ERMP1: variants seen among roughly 807,000 people sequenced by gnomAD.
ERMP1 encodes endoplasmic reticulum metallopeptidase 1, also known as Felix-ina.
Under a neutral mutation model 92.0 loss-of-function variants are expected in ERMP1, and 86 were observed. The observed-to-expected ratio is 0.93, with a 90% CI of 0.79 to 1.12. The LOEUF (loss-of-function observed/expected upper bound fraction) is 1.12. Among genes scored for constraint, ERMP1 ranks in the 50% most tolerant of loss-of-function variants. The pLI is 0.00. For synonymous variants in ERMP1, 530 were observed against 412.8 expected, an observed-to-expected ratio of 1.28 and a Z score of -3.44; for missense variants, 1,342 against 1,116.3, an observed-to-expected ratio of 1.20 and a Z score of -2.88.
At chr9:5,855,364 G>T (rs762927844) in intron 6 of ERMP1, among the ~76,000 whole-genome samples, 1 of 152,176 alleles carries the variant, frequency 6.6e-6, no homozygotes, top group Non-Finnish European at 1.5e-5. Context: ...GCACATACCA[G>T]AGAATCTGGG....
At position 5,798,830 on chromosome 9, in the gene ERMP1, T is replaced by C; in HGVS notation, c.2246A>G (p.Tyr749Cys). 11 of 1,613,620 alleles carry C rather than the reference T, an allele frequency of 6.8e-6. No homozygotes were observed. The highest frequency in any genetic ancestry group is 9.3e-6 in the Non-Finnish European group (11 of 1,179,668). ...CCTGATCAGAAAGTGCACTGGAAGA[T>C]ACCAAGGAAAACCACAAAGAGGTGC... ...ENAPLCGFPW[Y>C]LPVHFLIRKN... is the part of the protein sequence containing the mutation. Residue 749 changes from tyrosine to cysteine, a missense_variant, in exon 12 of 15, where the codon TAT (tyrosine) becomes TGT (cysteine). Transcript: ENST00000339450.
chr9:5,791,413 A>G (rs1828192744), intron 13 of ERMP1: 2 of 423,112 alleles, frequency 4.7e-6, no homozygotes, highest in Non-Finnish European at 9.4e-6. Flanking sequence ...TGCATTATGG[A>G]GGGCAATCTG....
chr9:5,810,236 T>A lies in ERMP1; in HGVS notation c.1328-5A>T. 1 of 1,610,526 alleles carries A rather than the reference T, an allele frequency of 6.2e-7. No homozygotes were observed. The highest frequency in any genetic ancestry group is 8.5e-7 in the Non-Finnish European group (1 of 1,177,652). On this transcript the variant is annotated splice_region_variant and splice_polypyrimidine_tract_variant and intron_variant, in intron 7 of 14. Coordinates refer to ENST00000339450, the MANE Select transcript of ERMP1 (RefSeq NM_024896.3). ...AGTCCTTCTTGTAGTTACCAGCTAA[T>A]GAAGAGAAAACAAAAAGTTGAAATC...
At chr9:5,788,528 A>T (rs1828034267) in intron 13 of ERMP1, among the ~76,000 whole-genome samples, 1 of 152,210 alleles carries the variant, frequency 6.6e-6, no homozygotes, top group Non-Finnish European at 1.5e-5. Context: ...GAAAGAGATA[A>T]ATATTATTCA....
Position 5,810,061 on chromosome 9 carries a change from C to G in ERMP1, c.1498G>C (p.Val500Leu). 1.9e-6 allele frequency: 3 copies of G among 1,613,706 alleles called. No individual in the cohort carries two copies. The highest frequency in any genetic ancestry group is 1.1e-5 in the South Asian group (1 of 91,084). Reference sequence around the variant, plus strand: ...GTATGTATAAGTATTATTTTGGCTACAGTTGCAGTTCCATACAGACAAACG... The same window carrying G: ...GTATGTATAAGTATTATTTTGGCTAGAGTTGCAGTTCCATACAGACAAACG... Reference protein sequence around the residue: ...VSVCLYGTATVAKIILIHTLA... With the variant: ...VSVCLYGTATLAKIILIHTLA... The change falls in exon 8 of 15, where the codon GTA becomes CTA. Residue 500 changes from valine to leucine, a missense_variant. Physicochemically the swap from Val to Leu is conservative, Grantham distance 32. Transcript: ENST00000339450.
At position 5,814,300 on chromosome 9, in the gene ERMP1, G is replaced by A. The variant is rs142597632; in HGVS notation, c.875-1265C>T. On this transcript the variant is annotated intron_variant, in intron 4 of 14. Transcript: ENST00000339450. ...CACGAGCAAGAAATAAGCCTTTGCTGTTGTAAACCACCAAGATTTTGGGGT... is the reference window on the plus strand; with the variant it reads ...CACGAGCAAGAAATAAGCCTTTGCTATTGTAAACCACCAAGATTTTGGGGT... 1.4e-3 allele frequency among the ~76,000 whole-genome samples: 209 copies of A among 152,300 alleles called. 1 individual carries two copies. The highest frequency in any genetic ancestry group is 4.8e-3 in the African/African-American group (199 of 41,552).
intron 13 of ERMP1, among the ~76,000 whole-genome samples, chr9:5,788,893 A>G (rs2131195523): frequency 1.3e-5 from 2 of 152,336 alleles, no homozygotes; most frequent in South Asian, 2.1e-4. Context: ...TACCTTAGAA[A>G]TGAAGACAAT....
intron 2 of ERMP1, among the ~76,000 whole-genome samples, chr9:5,826,802 T>C (rs769337722): frequency 5.3e-5 from 8 of 152,196 alleles, no homozygotes. Flanking sequence ...AACAATAAAA[T>C]GTTTCTTTAT....
chr9:5,800,968 A>G (rs941921389), intron 11 of ERMP1, among the ~76,000 whole-genome samples: 1 of 152,226 alleles, frequency 6.6e-6, no homozygotes, highest in Non-Finnish European at 1.5e-5. Flanking sequence ...AACATTTCCA[A>G]TTCAGTCTCC....
intron 4 of ERMP1, among the ~76,000 whole-genome samples, chr9:5,815,840 T>A (rs1829283738): frequency 6.6e-6 from 1 of 152,150 alleles, no homozygotes; most frequent in Non-Finnish European, 1.5e-5. Flanking sequence ...CCTGATGTGA[T>A]GCACTGAGGA....
At chr9:5,861,199 G>GTGTGTGTGTGTGTGTGTGTGTGTGTA (rs1830483820) in intron 5 of ERMP1, among the ~76,000 whole-genome samples, 20 of 146,656 alleles carry the variant, frequency 1.4e-4, no homozygotes, top group Non-Finnish European at 2.5e-4. Context: ...GTGTGTGTGT[G>GTGTGTGTGTGTGTGTGTGTGTGTGTA]TGTGTGTGTG....
Position 5,831,004 on chromosome 9 carries a change from G to A in ERMP1, c.363C>T (p.Ser121=). 6.2e-7 allele frequency: 1 copy of A among 1,613,878 alleles called. No individual in the cohort carries two copies. Among genetic ancestry groups the A allele is most frequent in the East Asian group, 2.2e-5 (1 of 44,888 alleles). The change falls in exon 2 of 15, where the codon TCC becomes TCT. Residue 121 remains serine (S), a synonymous_variant. Coordinates refer to ENST00000339450, the MANE Select transcript of ERMP1 (RefSeq NM_024896.3). ...QARDYLEHIT[S]IGPRTTGSPE... ...GACTTCCTGTAGTCCTGGGGCCAATGGAGGTTATGTGTTCAAGATAATCCC... is the reference window on the plus strand; with the variant it reads ...GACTTCCTGTAGTCCTGGGGCCAATAGAGGTTATGTGTTCAAGATAATCCC...
intron 4 of ERMP1, among the ~76,000 whole-genome samples, chr9:5,819,386 C>A (rs1380854779): frequency 2.0e-5 from 3 of 152,096 alleles, no homozygotes; most frequent in African/African-American, 7.2e-5. Context: ...TGCCTGATAA[C>A]AAGAATTATC....
At chr9:5,866,133 C>A (rs2129794434) in intron 5 of ERMP1, among the ~76,000 whole-genome samples, 1 of 152,290 alleles carries the variant, frequency 6.6e-6, no homozygotes, top group South Asian at 2.1e-4. Flanking sequence ...CGTAGGTGTG[C>A]TATTACACAT....
At chr9:5,790,192 T>TC (rs1491423956) in intron 13 of ERMP1, among the ~76,000 whole-genome samples, 1,622 of 144,142 alleles carry the variant, frequency 0.011, 34 homozygotes, top group African/African-American at 0.036. Flanking sequence ...TTTTTTTTTT[T>TC]CCCCTGAGAC....
chr9:5,841,715 C>T (rs1004437787), intron 6 of ERMP1, among the ~76,000 whole-genome samples: 24 of 152,136 alleles, frequency 1.6e-4, no homozygotes, highest in Middle Eastern at 3.2e-3. Context: ...CACTTGAACC[C>T]GGGAGGCAGA....
chr9:5,834,703 ATGTGTGTGTGTGTG>A (rs766269385), upstream of ERMP1, among the ~76,000 whole-genome samples: 12 of 122,992 alleles, frequency 9.8e-5, no homozygotes, highest in South Asian at 5.9e-4. Context: ...GTATGTATAT[ATGTGTGTGTGTGTG>A]TGTGTGTGTG....
At chr9:5,796,719 T>G (rs1299818055) in intron 13 of ERMP1, among the ~76,000 whole-genome samples, 1 of 150,534 alleles carries the variant, frequency 6.6e-6, no homozygotes, top group Non-Finnish European at 1.5e-5. Flanking sequence ...CTAAGGAGAG[T>G]GGGAAGAAAA....
In ERMP1 at chr9:5,805,153, C is replaced by G. The variant is rs1269008326; in HGVS notation, c.1788G>C (p.Leu596Phe). 2 of 1,612,382 alleles carry G rather than the reference C, an allele frequency of 1.2e-6. No individual in the cohort carries two copies. Among genetic ancestry groups the G allele is most frequent in the Middle Eastern group, 1.7e-4 (1 of 6,058 alleles). ...LGMFIPYLYA[L>F]YLIWAVFEMF... ...TCTCAAATACTGCCCAGATGAGGTA[C>G]AATGCATAAAGATAAGGAATAAACA... The change falls in exon 10 of 15, where the codon TTG becomes TTC. Residue 596 changes from leucine (L) to phenylalanine (F), a missense_variant. Physicochemically the swap from Leu to Phe is conservative, Grantham distance 22. Coordinates refer to ENST00000339450, the MANE Select transcript of ERMP1 (RefSeq NM_024896.3).
Sources: allele counts gnomAD v4.1 joint callset (sites outside exome capture counted in the v4.1 genomes callset), GRCh38; gene constraint gnomAD v4.1.1; transcripts MANE v1.5; gene names NCBI Gene and HGNC (gene_info 2026-07-23, HGNC 2026-07-21).